The following TMTC1 variants were observed in gnomAD, a reference collection of about 807,000 sequenced individuals.
TMTC1 encodes protein O-mannosyl-transferase TMTC1.
In TMTC1, 73 loss-of-function variants were observed where a neutral mutation model predicts 104.8. That is an observed-to-expected ratio of 0.70 (90% CI 0.58 to 0.85). The LOEUF is 0.85. Ranked by LOEUF, TMTC1 falls within the 40% of genes least tolerant of loss-of-function variation. The pLI, the probability that TMTC1 is intolerant of heterozygous loss-of-function variation, is 0.00. For missense variants in TMTC1, 1,035 were observed against 1,096.1 expected (o/e 0.94, Z 0.79); for synonymous variants, 434 against 428.7 (o/e 1.01, Z -0.15).
At chr12:29,618,555 AT>A (rs147446346) in intron 6 of TMTC1, among the ~76,000 whole-genome samples, 11,719 of 146,040 alleles carry the variant, frequency 0.08, 463 homozygotes, top group Non-Finnish European at 0.099. Context: ...GGAATTTTAG[AT>A]TTTTTTTTTT....
chr12:29,625,092 T>C (rs143866521), intron 6 of TMTC1, among the ~76,000 whole-genome samples: 266 of 152,360 alleles, frequency 1.7e-3, no homozygotes, highest in African/African-American at 6.3e-3. Flanking sequence ...GCTGATTCAG[T>C]ACACAACTCG....
chr12:29,577,536 A>G (rs1456952225), intron 8 of TMTC1, among the ~76,000 whole-genome samples: 1 of 152,170 alleles, frequency 6.6e-6, no homozygotes, highest in East Asian at 1.9e-4. Flanking sequence ...ATCCTCGCAC[A>G]ACACAGAATA....
At chr12:29,577,231 T>A (rs1247975977) in intron 8 of TMTC1, among the ~76,000 whole-genome samples, 2 of 152,184 alleles carry the variant, frequency 1.3e-5, no homozygotes, top group Non-Finnish European at 2.9e-5. Flanking sequence ...GAGATCAGCA[T>A]CTATCTTGTG....
At chr12:29,672,730 T>C (rs1940565876) in intron 5 of TMTC1, among the ~76,000 whole-genome samples, 1 of 152,152 alleles carries the variant, frequency 6.6e-6, no homozygotes, top group Non-Finnish European at 1.5e-5. Flanking sequence ...ACGTACACAC[T>C]GAGTTCTCTC....
At chr12:29,636,833 C>T in intron 5 of TMTC1, among the ~76,000 whole-genome samples, 1 of 151,164 alleles carries the variant, frequency 6.6e-6, no homozygotes, top group Non-Finnish European at 1.5e-5. Flanking sequence ...CTGCTTGAGC[C>T]CCAGAGTTTG....
intron 6 of TMTC1, among the ~76,000 whole-genome samples, chr12:29,624,711 C>T (rs553664262): frequency 4.4e-4 from 67 of 152,294 alleles, no homozygotes; most frequent in Non-Finnish European, 6.8e-4. Flanking sequence ...CTGACCTCTT[C>T]GCATCACCTA....
intron 7 of TMTC1, among the ~76,000 whole-genome samples, chr12:29,586,519 T>G (rs2136340191): frequency 6.6e-6 from 1 of 152,292 alleles, no homozygotes. Flanking sequence ...GTGCCAGTTT[T>G]CAAAGGGAAT....
intron 8 of TMTC1, among the ~76,000 whole-genome samples, chr12:29,575,483 CT>C (rs1945796491): frequency 6.6e-6 from 1 of 152,006 alleles, no homozygotes; most frequent in East Asian, 1.9e-4. Flanking sequence ...GGCGCCACCC[CT>C]ACCTCAACTT....
intron 4 of TMTC1, among the ~76,000 whole-genome samples, chr12:29,752,101 T>C (rs1051969110): frequency 3.3e-5 from 5 of 149,748 alleles, no homozygotes; most frequent in African/African-American, 1.2e-4. Context: ...TAGAACACTG[T>C]AACTCAGTCT....
intron 5 of TMTC1, among the ~76,000 whole-genome samples, chr12:29,664,116 G>A (rs938077694): frequency 2.2e-4 from 33 of 150,528 alleles, no homozygotes; most frequent in African/African-American, 7.3e-4. Flanking sequence ...GAACCCGGGA[G>A]GCGGAGCTTG....
At chr12:29,649,930 G>A (rs1939437493) in intron 5 of TMTC1, among the ~76,000 whole-genome samples, 1 of 152,120 alleles carries the variant, frequency 6.6e-6, no homozygotes, top group Admixed American at 6.5e-5. Flanking sequence ...ATTTATTTTT[G>A]TATCAGGCTC....
intron 9 of TMTC1, among the ~76,000 whole-genome samples, chr12:29,570,844 T>C (rs2136296110): frequency 7.5e-6 from 1 of 132,500 alleles, no homozygotes; most frequent in East Asian, 2.4e-4. Context: ...AGACTCCGTC[T>C]CAAAACAAAA....
intron 7 of TMTC1, among the ~76,000 whole-genome samples, chr12:29,597,264 A>T (rs1290783347): frequency 8.3e-6 from 1 of 120,096 alleles, no homozygotes. Flanking sequence ...TTTTTGAGAT[A>T]AGGTATCACT....
intron 5 of TMTC1, among the ~76,000 whole-genome samples, chr12:29,671,725 A>G (rs1242754456): frequency 6.6e-6 from 1 of 152,232 alleles, no homozygotes; most frequent in South Asian, 2.1e-4. Context: ...TTCACACTCA[A>G]TGCTACACCA....
At chr12:29,688,400 G>A (rs750767477) in intron 5 of TMTC1, among the ~76,000 whole-genome samples, 3 of 152,140 alleles carry the variant, frequency 2.0e-5, no homozygotes, top group Non-Finnish European at 4.4e-5. Context: ...CAAGTAATTT[G>A]GATCCTATGC....
chr12:29,574,576 G>A (rs982006325), intron 8 of TMTC1, among the ~76,000 whole-genome samples: 6 of 152,196 alleles, frequency 3.9e-5, no homozygotes, highest in Non-Finnish European at 8.8e-5. Flanking sequence ...CAAGATCAAA[G>A]TTATGGCTGA....
intron 15 of TMTC1, among the ~76,000 whole-genome samples, chr12:29,515,902 T>C (rs184689446): frequency 2.4e-4 from 37 of 152,142 alleles, no homozygotes; most frequent in Non-Finnish European, 4.0e-4. Context: ...AGTTGTGACA[T>C]TGGGTCACCC....
At chr12:29,582,806 T>TGG (rs1297408482) in intron 8 of TMTC1, among the ~76,000 whole-genome samples, 1 of 152,146 alleles carries the variant, frequency 6.6e-6, no homozygotes, top group African/African-American at 2.4e-5. Context: ...AGGCCCAGAC[T>TGG]GGGGATTCCT....
chr12:29,513,363 A>AT (rs2136137914), intron 16 of TMTC1, among the ~76,000 whole-genome samples: 1 of 152,194 alleles, frequency 6.6e-6, no homozygotes, highest in South Asian at 2.1e-4. Flanking sequence ...CATATTCACA[A>AT]TTAAGTTATT....
Sources: allele counts gnomAD v4.1 joint callset (sites outside exome capture counted in the v4.1 genomes callset), GRCh38; gene constraint gnomAD v4.1.1; transcripts MANE v1.5; gene names NCBI Gene and HGNC (gene_info 2026-07-23, HGNC 2026-07-21).